The following PPM1H variants were observed in gnomAD, a reference collection of about 807,000 sequenced individuals.
PPM1H encodes the protein protein phosphatase, Mg2+/Mn2+ dependent 1H.
In PPM1H, 27 loss-of-function variants were observed where a neutral mutation model predicts 54.9. The observed-to-expected ratio is 0.49, with a 90% CI of 0.36 to 0.68. The LOEUF (loss-of-function observed/expected upper bound fraction) is 0.68, where lower values mean the gene tolerates loss of function less well. Among genes scored for constraint, PPM1H ranks in the 30% least tolerant of loss-of-function variants. The pLI is 0.00. For missense variants in PPM1H, 596 were observed against 667.8 expected (o/e 0.89, Z 1.19); for synonymous variants, 305 against 270.8 (o/e 1.13, Z -1.24).
At chr12:62,854,129 T>C (rs891122197) in intron 1 of PPM1H, among the ~76,000 whole-genome samples, 2 of 152,176 alleles carry the variant, frequency 1.3e-5, no homozygotes, top group East Asian at 3.9e-4. Context: ...GGAAACAAGA[T>C]TGATTTCTGT....
At position 62,737,562 on chromosome 12, in the gene PPM1H, T is replaced by C; in HGVS notation, c.894A>G (p.Glu298=). The change falls in exon 5 of 10, where the codon GAA becomes GAG. Residue 298 remains glutamate (E), a synonymous_variant. Coordinates refer to ENST00000228705, the MANE Select transcript of PPM1H (RefSeq NM_020700.2). ...DSRAIIIRNG[E]IIPMSSEFTP... ...TAAATTCTGAAGACATGGGGATAAT[T>C]TCTCCATTTCTGATGATTATGGCCC... 1.3e-6 allele frequency: 2 copies of C among 1,582,368 alleles called. No homozygotes were observed. Among genetic ancestry groups the C allele is most frequent in the Non-Finnish European group, 1.7e-6 (2 of 1,162,906 alleles).
intron 2 of PPM1H, among the ~76,000 whole-genome samples, chr12:62,806,547 G>A (rs2076806647): frequency 6.6e-6 from 1 of 152,150 alleles, no homozygotes; most frequent in Non-Finnish European, 1.5e-5. Flanking sequence ...GGGGCCTGGT[G>A]GGAGGTGACT....
chr12:62,805,390 A>T (rs898467442), intron 2 of PPM1H, among the ~76,000 whole-genome samples: 2 of 152,242 alleles, frequency 1.3e-5, no homozygotes, highest in African/African-American at 4.8e-5. Context: ...CAGTATCTAT[A>T]GCCCAACGTT....
intron 1 of PPM1H, among the ~76,000 whole-genome samples, chr12:62,910,507 T>C (rs1216153212): frequency 6.6e-6 from 1 of 152,084 alleles, no homozygotes; most frequent in East Asian, 1.9e-4. Context: ...AATGAAGCAA[T>C]ATATTTAAGT....
intron 4 of PPM1H, among the ~76,000 whole-genome samples, chr12:62,753,116 ATG>A (rs969116087): frequency 1.3e-5 from 2 of 152,246 alleles, no homozygotes; most frequent in Non-Finnish European, 2.9e-5. Context: ...GTTCTAGGGA[ATG>A]CATACAGAAA....
chr12:62,874,047 T>C (rs745690358), intron 1 of PPM1H, among the ~76,000 whole-genome samples: 26 of 152,128 alleles, frequency 1.7e-4, no homozygotes, highest in Non-Finnish European at 3.5e-4. Context: ...TGCTAGGAGA[T>C]GCAGCTAATG....
At chr12:62,859,594 C>A (rs1011987146) in intron 1 of PPM1H, among the ~76,000 whole-genome samples, 2 of 152,196 alleles carry the variant, frequency 1.3e-5, no homozygotes, top group African/African-American at 4.8e-5. Flanking sequence ...TGGCCTAATT[C>A]CTCTTCCAAA....
At chr12:62,721,713 A>C (rs918464334) in intron 5 of PPM1H, among the ~76,000 whole-genome samples, 2 of 152,208 alleles carry the variant, frequency 1.3e-5, no homozygotes, top group African/African-American at 4.8e-5. Context: ...TTTCATAAGC[A>C]ATGTGGTTTT....
At chr12:62,840,866 T>G (rs1868719240) in intron 1 of PPM1H, among the ~76,000 whole-genome samples, 1 of 152,024 alleles carries the variant, frequency 6.6e-6, no homozygotes, top group Admixed American at 6.6e-5. Context: ...TGTGGCTTAG[T>G]AGAAAATGGG....
chr12:62,650,541 C>A (rs1259290922), intron 9 of PPM1H, among the ~76,000 whole-genome samples: 2 of 152,134 alleles, frequency 1.3e-5, no homozygotes, highest in African/African-American at 4.8e-5. Context: ...GTCAGAAAAG[C>A]CTCTCAGCTG....
intron 2 of PPM1H, among the ~76,000 whole-genome samples, chr12:62,813,445 C>T (rs767082721): frequency 1.3e-4 from 20 of 152,302 alleles, no homozygotes; most frequent in Non-Finnish European, 2.8e-4. Flanking sequence ...CAATCCTCCG[C>T]GTGCATGGGA....
At chr12:62,863,794 C>A (rs1263188313) in intron 1 of PPM1H, among the ~76,000 whole-genome samples, 1 of 152,154 alleles carries the variant, frequency 6.6e-6, no homozygotes, top group Non-Finnish European at 1.5e-5. Context: ...TTGACAGACA[C>A]AGGAAACACA....
intron 4 of PPM1H, among the ~76,000 whole-genome samples, chr12:62,762,853 TAAAG>T (rs1464713241): frequency 3.3e-5 from 5 of 152,032 alleles, no homozygotes; most frequent in Non-Finnish European, 7.4e-5. Flanking sequence ...GGTTAAGAAA[TAAAG>T]AACACCTCAT....
At chr12:62,873,015 CT>C (rs1427945018) in intron 1 of PPM1H, among the ~76,000 whole-genome samples, 8 of 152,124 alleles carry the variant, frequency 5.3e-5, no homozygotes, top group Non-Finnish European at 7.4e-5. Flanking sequence ...AAAAATACTA[CT>C]TTTTTAATTT....
chr12:62,664,980 CTT>C (rs773613533), intron 9 of PPM1H, among the ~76,000 whole-genome samples: 15 of 137,240 alleles, frequency 1.1e-4, no homozygotes, highest in Non-Finnish European at 1.4e-4. Flanking sequence ...TGAATGTCTT[CTT>C]TTTTTTTTTT....
chr12:62,847,767 T>C (rs1427595991), intron 1 of PPM1H, among the ~76,000 whole-genome samples: 1 of 152,124 alleles, frequency 6.6e-6, no homozygotes, highest in Non-Finnish European at 1.5e-5. Context: ...AAAAAAGCTG[T>C]TAAACTTACA....
chr12:62,913,872 G>T (rs1332390638), intron 1 of PPM1H, among the ~76,000 whole-genome samples: 1 of 151,342 alleles, frequency 6.6e-6, no homozygotes, highest in African/African-American at 2.5e-5. Flanking sequence ...GGCTAACTTT[G>T]TATTTTTAGT....
rs76727657 is a variant in PPM1H, at chr12:62,684,794, T to C, written c.1245+4905A>G. On this transcript the variant is annotated intron_variant, in intron 8 of 9. Transcript: ENST00000228705. ...GATAATGAGAGAGGAAGTGGGTCAG[T>C]TATTCTTCCTTAGGTGGTTTCAGTA... Among the ~76,000 whole-genome samples the C allele has an allele frequency of 3.7e-3, 565 of 152,174 alleles. 6 individuals carry two copies. The highest frequency in any genetic ancestry group is 0.012 in the African/African-American group (516 of 41,502).
At chr12:62,924,672 A>G (rs1871917388) in intron 1 of PPM1H, among the ~76,000 whole-genome samples, 1 of 152,244 alleles carries the variant, frequency 6.6e-6, no homozygotes. Flanking sequence ...GTAAGCTAAT[A>G]TTCAGGGAAA....
Sources: gnomAD v4.1 joint callset for allele counts (sites outside exome capture counted in the v4.1 genomes callset) on GRCh38, gnomAD v4.1.1 for gene constraint, MANE v1.5 for transcripts, NCBI Gene and HGNC (gene_info 2026-07-23, HGNC 2026-07-21) for gene names.